The following CNTLN variants were observed in gnomAD, a reference collection of about 807,000 sequenced individuals.
The protein encoded by CNTLN is centlein.
In CNTLN, 212 loss-of-function variants were observed where a neutral mutation model predicts 180.0. The ratio of observed to expected loss-of-function variants is 1.18; its 90% CI spans 1.05 to 1.32. The LOEUF (loss-of-function observed/expected upper bound fraction) is 1.32. Ranked by LOEUF, CNTLN falls within the 40% of genes most tolerant of loss-of-function variation. The pLI, the probability that CNTLN is intolerant of heterozygous loss-of-function variation, is 0.00. For missense variants in CNTLN, 2,095 were observed against 1,610.9 expected, an observed-to-expected ratio of 1.30 and a Z score of -5.14; for synonymous variants, 722 against 563.1, an observed-to-expected ratio of 1.28 and a Z score of -3.99.
intron 2 of CNTLN, among the ~76,000 whole-genome samples, chr9:17,202,443 T>C (rs941267940): frequency 7.9e-5 from 12 of 152,114 alleles, no homozygotes; most frequent in African/African-American, 2.9e-4. Context: ...CTCACTATTA[T>C]TGTGTGGGAG....
intron 2 of CNTLN, among the ~76,000 whole-genome samples, chr9:17,215,473 C>T (rs1823676029): frequency 6.6e-6 from 1 of 152,072 alleles, no homozygotes; most frequent in African/African-American, 2.4e-5. Flanking sequence ...CTAGGGGGTG[C>T]CTCCCAGTTA....
chr9:17,384,696 T>G (rs1825551187), intron 13 of CNTLN, among the ~76,000 whole-genome samples: 1 of 152,212 alleles, frequency 6.6e-6, no homozygotes, highest in Admixed American at 6.5e-5. Flanking sequence ...CAATTTTAAA[T>G]TAACACAAAA....
intron 12 of CNTLN, among the ~76,000 whole-genome samples, chr9:17,351,594 C>T (rs1822369133): frequency 6.6e-6 from 1 of 152,118 alleles, no homozygotes; most frequent in Non-Finnish European, 1.5e-5. Context: ...GAAGTCCATA[C>T]TAAGCCTTAA....
At chr9:17,208,894 T>G (rs575181686) in intron 2 of CNTLN, among the ~76,000 whole-genome samples, 2 of 152,184 alleles carry the variant, frequency 1.3e-5, no homozygotes, top group Admixed American at 1.3e-4. Flanking sequence ...GTTATGTATC[T>G]TTTCAAAAAC....
intron 16 of CNTLN, among the ~76,000 whole-genome samples, chr9:17,414,829 C>G (rs948957477): frequency 6.6e-6 from 1 of 152,204 alleles, no homozygotes; most frequent in African/African-American, 2.4e-5. Context: ...GTGGCTCACG[C>G]CCATAATCCC....
At chr9:17,253,313 T>C (rs924378628) in intron 5 of CNTLN, among the ~76,000 whole-genome samples, 39 of 151,698 alleles carry the variant, frequency 2.6e-4, no homozygotes, top group African/African-American at 9.2e-4. Flanking sequence ...AAAAATGATG[T>C]TGGTAGTAAT....
chr9:17,290,372 A>G (rs942983735), intron 6 of CNTLN, among the ~76,000 whole-genome samples: 29 of 149,350 alleles, frequency 1.9e-4, no homozygotes, highest in Non-Finnish European at 2.4e-4. Context: ...CCGTTCTCAG[A>G]TCTCCAGCTG....
At chr9:17,246,045 T>C (rs1035443265) in intron 5 of CNTLN, among the ~76,000 whole-genome samples, 1 of 152,164 alleles carries the variant, frequency 6.6e-6, no homozygotes, top group East Asian at 1.9e-4. Flanking sequence ...TGGTTATTCA[T>C]TTAATTCATT....
intron 23 of CNTLN, among the ~76,000 whole-genome samples, chr9:17,476,836 A>T (rs1832375615): frequency 6.6e-6 from 1 of 152,248 alleles, no homozygotes; most frequent in South Asian, 2.1e-4. Context: ...TATCCAAAAG[A>T]TCTAGGTAAG....
intron 2 of CNTLN, among the ~76,000 whole-genome samples, chr9:17,218,621 C>A (rs980493236): frequency 7.2e-5 from 11 of 152,014 alleles, no homozygotes; most frequent in African/African-American, 2.4e-4. Flanking sequence ...AAATTGCAAA[C>A]CATTGATATG....
intron 6 of CNTLN, among the ~76,000 whole-genome samples, chr9:17,294,975 C>T (rs753915653): frequency 4.7e-5 from 7 of 150,244 alleles, no homozygotes; most frequent in Admixed American, 2.0e-4. Context: ...CCAGCCCTGC[C>T]GCACAGGGAG....
intron 2 of CNTLN, among the ~76,000 whole-genome samples, chr9:17,143,800 G>A (rs1185593525): frequency 6.6e-6 from 1 of 152,166 alleles, no homozygotes; most frequent in Non-Finnish European, 1.5e-5. Flanking sequence ...GGATGACCTT[G>A]CCAGTGTAGA....
At chr9:17,198,033 A>G (rs1329437898) in intron 2 of CNTLN, among the ~76,000 whole-genome samples, 2 of 152,148 alleles carry the variant, frequency 1.3e-5, no homozygotes, top group Admixed American at 6.5e-5. Flanking sequence ...TTTGTTGACA[A>G]TGAGTTCACT....
At chr9:17,180,331 T>C (rs1202868716) in intron 2 of CNTLN, among the ~76,000 whole-genome samples, 2 of 145,696 alleles carry the variant, frequency 1.4e-5, no homozygotes, top group African/African-American at 5.1e-5. Context: ...TATATATCTT[T>C]AGTGGTTGCT....
chr9:17,448,359 T>A (rs2134094793), intron 18 of CNTLN: 1 of 152,444 alleles, frequency 6.6e-6, no homozygotes, highest in South Asian at 2.1e-4. Flanking sequence ...ACGGTGATAT[T>A]ATCTTTATTT....
chr9:17,256,943 A>G (rs1181121250), intron 5 of CNTLN, among the ~76,000 whole-genome samples: 1 of 151,872 alleles, frequency 6.6e-6, no homozygotes, highest in Non-Finnish European at 1.5e-5. Context: ...AGCTCAGTCC[A>G]GACCAATGAC....
chr9:17,506,115 A>C (rs1833928563), downstream of CNTLN, among the ~76,000 whole-genome samples: 1 of 152,012 alleles, frequency 6.6e-6, no homozygotes, highest in South Asian at 2.1e-4. Context: ...AACCTCACAC[A>C]TCACACATTC....
intron 18 of CNTLN, among the ~76,000 whole-genome samples, chr9:17,430,229 A>T (rs567787657): frequency 5.3e-4 from 81 of 152,108 alleles, no homozygotes; most frequent in Non-Finnish European, 9.3e-4. Context: ...TCTTTCCAAG[A>T]ATCATATTCC....
chr9:17,306,153 T>C (rs1818694236), intron 7 of CNTLN, among the ~76,000 whole-genome samples: 1 of 150,984 alleles, frequency 6.6e-6, no homozygotes, highest in African/African-American at 2.4e-5. Context: ...TCTATTTTTT[T>C]TTTTTTTTTT....
Sources: allele counts gnomAD v4.1 joint callset (sites outside exome capture counted in the v4.1 genomes callset), GRCh38; gene constraint gnomAD v4.1.1; transcripts MANE v1.5; gene names NCBI Gene and HGNC (gene_info 2026-07-23, HGNC 2026-07-21).